Variants in GRID2 observed in about 807,000 individuals in gnomAD.
GRID2 encodes glutamate ionotropic receptor delta type subunit 2, also known as glutamate receptor ionotropic, delta-2.
A neutral mutation model predicts 114.8 loss-of-function variants in GRID2; 33 were observed. The ratio of observed to expected loss-of-function variants is 0.29; its 90% CI spans 0.22 to 0.38. The LOEUF is 0.38. Among genes scored for constraint, GRID2 ranks in the 10% least tolerant of loss-of-function variants. GRID2 has a pLI of 1.00. For synonymous variants in GRID2, 505 were observed against 449.9 expected, an observed-to-expected ratio of 1.12 and a Z score of -1.55; for missense variants, 1,184 against 1,257.7, an observed-to-expected ratio of 0.94 and a Z score of 0.89.
At chr4:92,962,775 CAG>C (rs1264208577) in intron 2 of GRID2, among the ~76,000 whole-genome samples, 3 of 151,936 alleles carry the variant, frequency 2.0e-5, no homozygotes, top group Non-Finnish European at 4.4e-5. Flanking sequence ...TTTTGACTCT[CAG>C]AATTTTCCAC....
intron 2 of GRID2, among the ~76,000 whole-genome samples, chr4:92,617,614 A>G (rs1730064550): frequency 6.6e-6 from 1 of 151,688 alleles, no homozygotes; most frequent in Non-Finnish European, 1.5e-5. Flanking sequence ...ATCTGTTGCT[A>G]GATTCCTTGG....
chr4:93,069,704 G>A (rs1162432746), intron 2 of GRID2, among the ~76,000 whole-genome samples: 2 of 152,110 alleles, frequency 1.3e-5, no homozygotes, highest in African/African-American at 4.8e-5. Flanking sequence ...TTTCTCCTGA[G>A]AGAGGTGCCT....
intron 13 of GRID2, among the ~76,000 whole-genome samples, chr4:93,577,768 G>C (rs912197937): frequency 2.0e-5 from 3 of 152,158 alleles, no homozygotes; most frequent in African/African-American, 7.2e-5. Context: ...GAAGTGTTCT[G>C]TGCTTTATAA....
At chr4:92,468,854 A>C (rs1721883246) in intron 1 of GRID2, among the ~76,000 whole-genome samples, 1 of 152,142 alleles carries the variant, frequency 6.6e-6, no homozygotes, top group South Asian at 2.1e-4. Context: ...GAGAATAGTG[A>C]GTCCATTTAA....
At chr4:93,380,889 C>G (rs1314964280) in intron 8 of GRID2, among the ~76,000 whole-genome samples, 1 of 152,044 alleles carries the variant, frequency 6.6e-6, no homozygotes, top group Admixed American at 6.6e-5. Flanking sequence ...TACCTCTGTT[C>G]TACATGGCGC....
chr4:93,804,926 T>C (rs1325438051), intron 1 of GRID2, among the ~76,000 whole-genome samples: 1 of 152,182 alleles, frequency 6.6e-6, no homozygotes, highest in East Asian at 1.9e-4. Context: ...CTTTAGGTGG[T>C]TGATATTGTT....
At chr4:92,373,037 G>A (rs990200352) in intron 1 of GRID2, among the ~76,000 whole-genome samples, 2 of 152,114 alleles carry the variant, frequency 1.3e-5, no homozygotes, top group Non-Finnish European at 2.9e-5. Flanking sequence ...ATGAAGAATA[G>A]GTGCTTCAGC....
At chr4:92,706,220 G>A (rs1402355383) in intron 2 of GRID2, among the ~76,000 whole-genome samples, 1 of 152,066 alleles carries the variant, frequency 6.6e-6, no homozygotes, top group African/African-American at 2.4e-5. Context: ...TTGAAGATGT[G>A]GAAAGATGTT....
At chr4:92,668,715 G>C (rs1295686464) in intron 2 of GRID2, among the ~76,000 whole-genome samples, 1 of 151,886 alleles carries the variant, frequency 6.6e-6, no homozygotes, top group African/African-American at 2.4e-5. Flanking sequence ...TCTGTCATTG[G>C]GATATGCTGT....
chr4:93,075,990 G>A (rs1023623333), intron 2 of GRID2, among the ~76,000 whole-genome samples: 2 of 135,990 alleles, frequency 1.5e-5, no homozygotes, highest in South Asian at 2.5e-4. Context: ...TGCAAGCTCC[G>A]CCTCCTGGGT....
chr4:93,439,011 T>C (rs1052430314), intron 10 of GRID2, among the ~76,000 whole-genome samples: 1 of 152,090 alleles, frequency 6.6e-6, no homozygotes. Context: ...AGGACATGAA[T>C]TCATCATTTT....
rs182735615 is a variant in GRID2 at position 93,350,025 on chromosome 4, C to T, written c.1246-45582C>T. 2.1e-4 allele frequency among the ~76,000 whole-genome samples: 32 copies of T among 152,064 alleles called. No individual in the cohort carries two copies. The East Asian group carries it at 3.5e-3, about 17-fold the overall frequency. ...GACCAGGTATCAGTGGCATGTGATA[C>T]GCACATAGTGTGCTCAGAACATTTT... On this transcript the variant is annotated intron_variant, in intron 8 of 15. Coordinates refer to ENST00000282020, the MANE Select transcript of GRID2 (RefSeq NM_001510.4).
intron 13 of GRID2, among the ~76,000 whole-genome samples, chr4:93,593,150 C>T (rs1289785903): frequency 2.0e-5 from 3 of 151,374 alleles, no homozygotes; most frequent in South Asian, 2.1e-4. Flanking sequence ...TTCCTAGTCT[C>T]GATGGGCTTT....
intron 13 of GRID2, among the ~76,000 whole-genome samples, chr4:93,581,617 A>G (rs1736991356): frequency 6.6e-6 from 1 of 152,192 alleles, no homozygotes; most frequent in African/African-American, 2.4e-5. Flanking sequence ...AGATGAGAAA[A>G]TTGATATCCA....
intron 4 of GRID2, among the ~76,000 whole-genome samples, chr4:93,128,716 A>G (rs1734528618): frequency 6.6e-6 from 1 of 152,120 alleles, no homozygotes; most frequent in African/African-American, 2.4e-5. Flanking sequence ...ATTTCTTAGC[A>G]AACACAAGTT....
intron 2 of GRID2, among the ~76,000 whole-genome samples, chr4:93,068,726 C>G (rs547209352): frequency 6.6e-6 from 1 of 151,880 alleles, no homozygotes; most frequent in Admixed American, 6.6e-5. Flanking sequence ...CGTGTTAGAG[C>G]TTTACCTCTT....
intron 2 of GRID2, among the ~76,000 whole-genome samples, chr4:92,831,486 C>T (rs568486181): frequency 6.7e-6 from 1 of 148,750 alleles, no homozygotes; most frequent in South Asian, 2.1e-4. Flanking sequence ...ATTCAAATGC[C>T]AATTTCGTTT....
chr4:93,749,211 G>C (rs1732105613), intron 14 of GRID2, among the ~76,000 whole-genome samples: 1 of 152,134 alleles, frequency 6.6e-6, no homozygotes, highest in African/African-American at 2.4e-5. Flanking sequence ...GTTTTATTTT[G>C]TTAGTTTAAA....
At chr4:92,883,698 C>T (rs1327365681) in intron 2 of GRID2, among the ~76,000 whole-genome samples, 2 of 152,078 alleles carry the variant, frequency 1.3e-5, no homozygotes, top group African/African-American at 4.8e-5. Context: ...TCTTGGGTGA[C>T]CAGGCGCATT....
Sources: gnomAD v4.1 joint callset for allele counts (sites outside exome capture counted in the v4.1 genomes callset) on GRCh38, gnomAD v4.1.1 for gene constraint, MANE v1.5 for transcripts, NCBI Gene and HGNC (gene_info 2026-07-23, HGNC 2026-07-21) for gene names.